The following PLA2G12B variants were observed in gnomAD, a reference collection of about 807,000 sequenced individuals.
PLA2G12B encodes the protein phospholipase A2 group XIIB.
PLA2G12B carries 19 observed loss-of-function variants against 22.3 expected under a neutral mutation model. That is an observed-to-expected ratio of 0.85 (90% CI 0.60 to 1.25). The LOEUF (loss-of-function observed/expected upper bound fraction) is 1.25. PLA2G12B is among the 50% of genes most tolerant of loss of function. PLA2G12B has a pLI of 0.00. For missense variants in PLA2G12B, 191 were observed against 246.6 expected (o/e 0.77, Z 1.51); for synonymous variants, 81 against 94.9 (o/e 0.85, Z 0.85).
chr10:72,946,428 G>A (rs988299489), intron 1 of PLA2G12B, among the ~76,000 whole-genome samples: 14 of 152,120 alleles, frequency 9.2e-5, no homozygotes, highest in African/African-American at 2.7e-4. Context: ...ATTTGTAGAC[G>A]GGTTTTTGTG....
chr10:72,948,212 A>C (rs1831091220), intron 1 of PLA2G12B, among the ~76,000 whole-genome samples: 1 of 152,120 alleles, frequency 6.6e-6, no homozygotes, highest in Non-Finnish European at 1.5e-5. Context: ...TTTGCTGAAA[A>C]GGGCATTTGC....
intron 1 of PLA2G12B, among the ~76,000 whole-genome samples, chr10:72,944,574 G>A (rs766027944): frequency 1.3e-5 from 2 of 152,040 alleles, no homozygotes; most frequent in Admixed American, 6.5e-5. Flanking sequence ...ATATGGACAC[G>A]GTATAGTTCT....
At chr10:72,943,123 G>A (rs1490974863) in intron 1 of PLA2G12B, among the ~76,000 whole-genome samples, 4 of 151,888 alleles carry the variant, frequency 2.6e-5, no homozygotes, top group African/African-American at 7.3e-5. Flanking sequence ...GTGTCACCAC[G>A]CCCAGCTAAT....
In PLA2G12B at chr10:72,954,639, C is replaced by T. The variant is rs1267176380; in HGVS notation, c.47G>A (p.Gly16Asp). The change falls in exon 1 of 4, where the codon GGT (glycine) becomes GAT (aspartate). Residue 16 changes from glycine to aspartate, a missense_variant. Physicochemically the swap from Gly to Asp is moderately conservative, Grantham distance 94 (BLOSUM62 -1). Coordinates refer to ENST00000373032, the MANE Select transcript of PLA2G12B (RefSeq NM_032562.5). Reference protein sequence around the residue: ...GFLVLWLSLGGGLAQSDTSPD... With the variant: ...GFLVLWLSLGDGLAQSDTSPD... ...GCTCGTGTCGCTCTGAGCCAGGCCACCCCCAAGGCTGAGCCACAAAACCAA... is the reference window on the plus strand; with the variant it reads ...GCTCGTGTCGCTCTGAGCCAGGCCATCCCCAAGGCTGAGCCACAAAACCAA... 1.9e-6 allele frequency: 3 copies of T among 1,613,996 alleles called. No individual in the cohort carries two copies. Among genetic ancestry groups the T allele is most frequent in the African/African-American group, 1.3e-5 (1 of 74,926 alleles).
chr10:72,943,433 G>A lies in PLA2G12B; in HGVS notation c.212-693C>T, dbSNP rs970714512. Among the ~76,000 whole-genome samples, 4 of 152,108 alleles carry A rather than the reference G, an allele frequency of 2.6e-5. No individual in the cohort carries two copies. The East Asian group carries it at 5.8e-4, about 22-fold the overall frequency. On this transcript the variant is annotated intron_variant, in intron 1 of 3. Coordinates refer to ENST00000373032, the MANE Select transcript of PLA2G12B (RefSeq NM_032562.5). ...ACTTGATCGTACACTTAAGGAATCC[G>A]AATTGTAGCAGCACCACAAAAGGGT...
intron 1 of PLA2G12B, among the ~76,000 whole-genome samples, chr10:72,946,120 A>C (rs1046403546): frequency 1.3e-5 from 2 of 152,164 alleles, no homozygotes; most frequent in Admixed American, 1.3e-4. Flanking sequence ...TTATAATCTC[A>C]AAAAGAAACC....
Position 72,941,294 on chromosome 10 carries a change from T to A in PLA2G12B, c.341A>T (p.Gln114Leu). The A allele has an allele frequency of 6.2e-7, 1 of 1,613,942 alleles. No homozygotes were observed. Among genetic ancestry groups the A allele is most frequent in the Non-Finnish European group, 8.5e-7 (1 of 1,179,824 alleles). The change falls in exon 3 of 4, where the codon CAG (glutamine) becomes CTG (leucine). Residue 114 changes from glutamine (Q) to leucine (L), a missense_variant. Gln to Leu is a moderately radical substitution (Grantham distance 113, BLOSUM62 -2). Coordinates refer to ENST00000373032, the MANE Select transcript of PLA2G12B (RefSeq NM_032562.5). ...GIPAMTKCCN[Q>L]LDVCYDTCGA... ...GCAAGTGTCATAACAGACATCCAGCTGGTTGCAGCACTTTGTCATTGCTGG... is the reference window on the plus strand; with the variant it reads ...GCAAGTGTCATAACAGACATCCAGCAGGTTGCAGCACTTTGTCATTGCTGG...
rs1554833513 is a variant in PLA2G12B, at chr10:72,940,486, A to AGATCGCTTGAGTTCAGGAGTTCGAGACC, written c.466+682_466+683insGGTCTCGAACTCCTGAACTCAAGCGATC. Reference sequence around the variant, plus strand: ...AGCACTTTGGGAGGCTGAGGCGGGCAACATGGGCAACCCCATCTCTACTAA... The same window carrying AGATCGCTTGAGTTCAGGAGTTCGAGACC: ...AGCACTTTGGGAGGCTGAGGCGGGCAGATCGCTTGAGTTCAGGAGTTCGAGACCACATGGGCAACCCCATCTCTACTAA... On this transcript the variant is annotated intron_variant, in intron 3 of 3. Coordinates refer to ENST00000373032, the MANE Select transcript of PLA2G12B (RefSeq NM_032562.5). Among the ~76,000 whole-genome samples, 16 of 130,354 alleles carry AGATCGCTTGAGTTCAGGAGTTCGAGACC rather than the reference A, an allele frequency of 1.2e-4. 1 individual carries two copies. The highest frequency in any genetic ancestry group is 4.2e-4 in the African/African-American group (9 of 21,396). The allele number at this position is 130,354 out of a possible 152,430, so 85.5% of individuals were successfully genotyped here.
intron 1 of PLA2G12B, among the ~76,000 whole-genome samples, chr10:72,947,960 C>T (rs986593276): frequency 5.3e-5 from 8 of 152,156 alleles, no homozygotes; most frequent in Admixed American, 1.3e-4. Flanking sequence ...CTACAACCTC[C>T]GCCTCCTGTG....
At chr10:72,952,462 A>C (rs573902770) in intron 1 of PLA2G12B, among the ~76,000 whole-genome samples, 24 of 152,356 alleles carry the variant, frequency 1.6e-4, no homozygotes, top group Non-Finnish European at 2.2e-4. Flanking sequence ...GGGCCCAGAG[A>C]TCTGGTTGAA....
At chr10:72,948,465 A>C (rs1846477071) in intron 1 of PLA2G12B, among the ~76,000 whole-genome samples, 1 of 152,216 alleles carries the variant, frequency 6.6e-6, no homozygotes, top group Non-Finnish European at 1.5e-5. Flanking sequence ...TCTAGGCAGA[A>C]ACAGAAATCA....
intron 1 of PLA2G12B, among the ~76,000 whole-genome samples, chr10:72,947,742 G>A (rs1327133921): frequency 6.6e-6 from 1 of 152,138 alleles, no homozygotes; most frequent in Non-Finnish European, 1.5e-5. Flanking sequence ...AAATAACATA[G>A]ACTGGATGGC....
chr10:72,941,436 T>A, intron 2 of PLA2G12B, 102 bp from the exon 3 acceptor site: 1 of 1,185,168 alleles, frequency 8.4e-7, no homozygotes, highest in Non-Finnish European at 1.2e-6. Context: ...TAGCTGGTTC[T>A]CACATTTCTG....
intron 1 of PLA2G12B, 108 bp downstream of exon 1, chr10:72,954,367 G>A: frequency 7.4e-7 from 1 of 1,351,682 alleles, no homozygotes. Context: ...AAATCTGGCA[G>A]CTCTAAGTGG....
intron 1 of PLA2G12B, among the ~76,000 whole-genome samples, chr10:72,953,562 C>T (rs987216048): frequency 6.6e-6 from 1 of 152,158 alleles, no homozygotes; most frequent in African/African-American, 2.4e-5. Context: ...CTACCTGAGA[C>T]CTGAGACTGT....
At chr10:72,951,011 A>T (rs1400045397) in intron 1 of PLA2G12B, among the ~76,000 whole-genome samples, 3 of 152,176 alleles carry the variant, frequency 2.0e-5, no homozygotes, top group Admixed American at 1.3e-4. Flanking sequence ...TTTTACGTTG[A>T]AAGAGAGCTA....
intron 1 of PLA2G12B, among the ~76,000 whole-genome samples, chr10:72,945,067 A>C (rs1384294491): frequency 6.6e-6 from 1 of 152,210 alleles, no homozygotes; most frequent in Admixed American, 6.5e-5. Context: ...ACTGTAGAAA[A>C]GGGGAAGAAT....
chr10:72,953,126 A>G (rs1480470970), intron 1 of PLA2G12B, among the ~76,000 whole-genome samples: 6 of 152,232 alleles, frequency 3.9e-5, no homozygotes, highest in Admixed American at 3.9e-4. Context: ...TTGGACAAAT[A>G]CATGGTTTTA....
At chr10:72,948,253 C>T (rs1672210097) in intron 1 of PLA2G12B, among the ~76,000 whole-genome samples, 1 of 152,290 alleles carries the variant, frequency 6.6e-6, no homozygotes, top group Admixed American at 6.5e-5. Flanking sequence ...TTGGGTTACC[C>T]TCTGCCTTTT....
Sources: gnomAD v4.1 joint callset for allele counts (sites outside exome capture counted in the v4.1 genomes callset) on GRCh38, gnomAD v4.1.1 for gene constraint, MANE v1.5 for transcripts, NCBI Gene and HGNC (gene_info 2026-07-23, HGNC 2026-07-21) for gene names.